Variants in EPHA7 observed in about 807,000 individuals in gnomAD.
The protein encoded by EPHA7 is EPH receptor A7.
A neutral mutation model predicts 112.6 loss-of-function variants in EPHA7; 25 were observed. The ratio of observed to expected loss-of-function variants is 0.22; its 90% confidence interval spans 0.16 to 0.31. EPHA7 has a LOEUF of 0.31. Ranked by LOEUF, EPHA7 falls within the 10% of genes least tolerant of loss-of-function variation. The pLI is 1.00. For synonymous variants in EPHA7, 437 were observed against 406.5 expected (o/e 1.07, Z -0.90); for missense variants, 962 against 1,212.6 (o/e 0.79, Z 3.07).
intron 5 of EPHA7, among the ~76,000 whole-genome samples, chr6:93,331,832 T>C (rs1774610223): frequency 6.6e-6 from 1 of 151,610 alleles, no homozygotes; most frequent in African/African-American, 2.4e-5. Context: ...TAAACCACTA[T>C]GTCATTTTAT....
chr6:93,288,756 T>C (rs1295734366), intron 5 of EPHA7, among the ~76,000 whole-genome samples: 1 of 152,170 alleles, frequency 6.6e-6, no homozygotes, highest in Non-Finnish European at 1.5e-5. Flanking sequence ...CAAGTTGAGA[T>C]ATCATTCTGA....
At chr6:93,329,529 T>C (rs1186435948) in intron 5 of EPHA7, among the ~76,000 whole-genome samples, 5 of 151,422 alleles carry the variant, frequency 3.3e-5, no homozygotes, top group African/African-American at 1.2e-4. Flanking sequence ...CCATGAACTG[T>C]GTATGAATCC....
intron 3 of EPHA7, among the ~76,000 whole-genome samples, chr6:93,398,679 T>C (rs1254142420): frequency 6.6e-6 from 1 of 151,984 alleles, no homozygotes; most frequent in African/African-American, 2.4e-5. Context: ...GATGAATACA[T>C]ACACAGTGAT....
chr6:93,405,783 A>G lies in EPHA7; in HGVS notation c.832+4718T>C, dbSNP rs867337266. On this transcript the variant is annotated intron_variant, in intron 3 of 16. Transcript: ENST00000369303. ...TGGTGTTTCTTATATTTCTGTATAT[A>G]TGTGTGTGTGTGTGTGTGTGTGTGT... 6.6e-3 allele frequency among the ~76,000 whole-genome samples: 632 copies of G among 95,306 alleles called. 12 individuals carry two copies. Among genetic ancestry groups the G allele is most frequent in the African/African-American group, 0.022 (549 of 24,932 alleles). 62.5% of individuals were successfully genotyped at this position (95,306 alleles called of 152,430 possible).
chr6:93,397,424 T>C (rs1778233089), intron 3 of EPHA7, among the ~76,000 whole-genome samples: 1 of 151,946 alleles, frequency 6.6e-6, no homozygotes, highest in South Asian at 2.1e-4. Context: ...TTAAATCAAA[T>C]AAATCATTAC....
At chr6:93,294,523 T>C (rs1272042967) in intron 5 of EPHA7, among the ~76,000 whole-genome samples, 1 of 152,282 alleles carries the variant, frequency 6.6e-6, no homozygotes, top group African/African-American at 2.4e-5. Context: ...AGGGGAATGT[T>C]CCTTAACACA....
At chr6:93,366,818 A>G (rs138942908) in intron 3 of EPHA7, among the ~76,000 whole-genome samples, 71 of 152,298 alleles carry the variant, frequency 4.7e-4, no homozygotes, top group South Asian at 1.0e-3. Context: ...AGTCATGTAA[A>G]TTATTAAAAA....
chr6:93,263,708 T>C (rs1193473139), intron 9 of EPHA7, 152 bp downstream of exon 9: 1 of 489,516 alleles, frequency 2.0e-6, no homozygotes, highest in Non-Finnish European at 3.6e-6. Context: ...ATTTTAATTC[T>C]AAACATCTGA....
At chr6:93,311,658 T>G (rs1438145812) in intron 5 of EPHA7, among the ~76,000 whole-genome samples, 1 of 152,130 alleles carries the variant, frequency 6.6e-6, no homozygotes, top group African/African-American at 2.4e-5. Context: ...TGTTGAAAAT[T>G]TGACCTCCTC....
intron 5 of EPHA7, among the ~76,000 whole-genome samples, chr6:93,301,363 A>G (rs1294440210): frequency 6.6e-6 from 1 of 152,184 alleles, no homozygotes; most frequent in East Asian, 1.9e-4. Flanking sequence ...TGTGTTGGAA[A>G]CATGACAGTT....
chr6:93,279,469 A>T (rs1771626206), intron 5 of EPHA7, among the ~76,000 whole-genome samples: 1 of 152,136 alleles, frequency 6.6e-6, no homozygotes, highest in Non-Finnish European at 1.5e-5. Context: ...AATTAATCCT[A>T]TAAGAAGAGT....
At chr6:93,298,353 T>A (rs998656727) in intron 5 of EPHA7, among the ~76,000 whole-genome samples, 2 of 152,052 alleles carry the variant, frequency 1.3e-5, no homozygotes, top group African/African-American at 4.8e-5. Flanking sequence ...CAGAAATAAA[T>A]ATTTTCCTAA....
chr6:93,359,144 G>A (rs1487325227), intron 3 of EPHA7, among the ~76,000 whole-genome samples: 1 of 151,986 alleles, frequency 6.6e-6, no homozygotes, highest in Non-Finnish European at 1.5e-5. Flanking sequence ...AGAGGGTTAG[G>A]GTGCAATCAC....
Position 93,345,257 on chromosome 6 carries a change from C to T in EPHA7, c.1324+11460G>A, listed in dbSNP as rs141099108. On this transcript the variant is annotated intron_variant, in intron 5 of 16. Coordinates refer to ENST00000369303, the MANE Select transcript of EPHA7 (RefSeq NM_004440.4). ...CATTATGGATGCTATGCTCAGACAA[C>T]GTTCTGCATCTTTCTATATGCTGAA... Among the ~76,000 whole-genome samples the T allele has an allele frequency of 6.5e-4, 98 of 151,722 alleles. 1 individual carries two copies. The highest frequency in any genetic ancestry group is 2.0e-3 in the African/African-American group (85 of 41,484).
intron 3 of EPHA7, among the ~76,000 whole-genome samples, chr6:93,391,111 T>C (rs1313384112): frequency 6.6e-6 from 1 of 151,942 alleles, no homozygotes; most frequent in Non-Finnish European, 1.5e-5. Flanking sequence ...TCAACAAGTA[T>C]TTAAATCTAG....
intron 5 of EPHA7, among the ~76,000 whole-genome samples, chr6:93,279,086 C>A (rs551955260): frequency 6.6e-6 from 1 of 151,860 alleles, no homozygotes; most frequent in African/African-American, 2.4e-5. Flanking sequence ...TGTGTATATG[C>A]GACAAAATTC....
chr6:93,307,753 T>G (rs991365668), intron 5 of EPHA7, among the ~76,000 whole-genome samples: 1 of 152,156 alleles, frequency 6.6e-6, no homozygotes, highest in African/African-American at 2.4e-5. Flanking sequence ...ATGTTTTAAT[T>G]CCCTAATGAG....
intron 5 of EPHA7, among the ~76,000 whole-genome samples, chr6:93,346,612 GA>G (rs567755820): frequency 4.6e-5 from 7 of 151,664 alleles, no homozygotes; most frequent in Non-Finnish European, 7.4e-5. Flanking sequence ...ACTATCTCCA[GA>G]AAAAGAGACT....
At chr6:93,370,373 T>C (rs1183229462) in intron 3 of EPHA7, among the ~76,000 whole-genome samples, 3 of 152,208 alleles carry the variant, frequency 2.0e-5, no homozygotes, top group African/African-American at 4.8e-5. Context: ...TTTAGATTAC[T>C]GAGAATTGCC....
Sources: allele counts gnomAD v4.1 joint callset (sites outside exome capture counted in the v4.1 genomes callset), GRCh38; gene constraint gnomAD v4.1.1; transcripts MANE v1.5; gene names NCBI Gene and HGNC (gene_info 2026-07-23, HGNC 2026-07-21).